Variants in DENND4C observed in about 807,000 individuals in gnomAD.
The protein encoded by DENND4C is DENN domain containing 4C.
DENND4C carries 108 observed loss-of-function variants against 203.0 expected under a neutral mutation model. That is an observed-to-expected ratio of 0.53 (90% CI 0.46 to 0.62). The LOEUF is 0.62. Ranked by LOEUF, DENND4C falls within the 20% of genes least tolerant of loss-of-function variation. DENND4C has a pLI of 0.00. For missense variants in DENND4C, 2,481 were observed against 2,301.2 expected (o/e 1.08, Z -1.60); for synonymous variants, 871 against 792.4 (o/e 1.10, Z -1.67).
chr9:19,325,901 G>A, intron 13 of DENND4C, 38 bp from the exon 14 acceptor site: 15 of 1,566,722 alleles, frequency 9.6e-6, no homozygotes, highest in Non-Finnish European at 1.0e-5. Context: ...AATTCATAGT[G>A]GACATTTTCA....
rs574087811 is a variant in DENND4C at position 19,230,984 on chromosome 9, A to T, written c.-18+151A>T. Among the ~76,000 whole-genome samples, 8 of 152,216 alleles carry T rather than the reference A, an allele frequency of 5.3e-5. No individual in the cohort carries two copies. The East Asian group carries it at 1.6e-3, about 30-fold the overall frequency. On this transcript the variant is annotated intron_variant, in intron 1 of 32. Transcript: ENST00000434457. ...CCGCGGGGGGTCGCCGAGGAGGCGG[A>T]GAGTGGCCGCGGCTGGCGTTCGTGG...
intron 1 of DENND4C, among the ~76,000 whole-genome samples, chr9:19,271,456 C>T (rs1831651430): frequency 6.6e-6 from 1 of 152,130 alleles, no homozygotes; most frequent in Non-Finnish European, 1.5e-5. Context: ...CTACCTCTGG[C>T]CTTCCAGATT....
intron 1 of DENND4C, among the ~76,000 whole-genome samples, chr9:19,245,360 G>A (rs922513675): frequency 4.6e-5 from 7 of 151,552 alleles, no homozygotes; most frequent in Non-Finnish European, 1.0e-4. Flanking sequence ...CCAGCTACTC[G>A]GGAGGCTGAG....
At chr9:19,307,747 G>A (rs935308526) in intron 10 of DENND4C, among the ~76,000 whole-genome samples, 2 of 147,646 alleles carry the variant, frequency 1.4e-5, no homozygotes, top group Non-Finnish European at 3.0e-5. Flanking sequence ...TCCAGCCTGG[G>A]CGACAGAGCG....
chr9:19,234,387 C>T (rs893052028), intron 1 of DENND4C, among the ~76,000 whole-genome samples: 2 of 151,958 alleles, frequency 1.3e-5, no homozygotes, highest in East Asian at 1.9e-4. Context: ...CGTGCCACCA[C>T]GCCTGGCTAA....
At chr9:19,297,927 T>A (rs1588869240) in intron 6 of DENND4C, 129 bp from the exon 7 acceptor site, 1 of 670,656 alleles carries the variant, frequency 1.5e-6, no homozygotes, top group Non-Finnish European at 2.4e-6. Flanking sequence ...ATTTACTTAC[T>A]TAGCCTACAT....
chr9:19,371,659 C>G, intron 31 of DENND4C, 97 bp from the exon 32 acceptor site: 1 of 648,638 alleles, frequency 1.5e-6, no homozygotes, highest in Middle Eastern at 2.5e-4. Context: ...TTACTATTAA[C>G]TAGATGACAG....
At chr9:19,268,179 A>AG (rs1306279882) in intron 1 of DENND4C, among the ~76,000 whole-genome samples, 3 of 151,352 alleles carry the variant, frequency 2.0e-5, no homozygotes, top group African/African-American at 7.3e-5. Context: ...AGCTCACTGT[A>AG]GCCTCGACCT....
At chr9:19,323,326 A>C (rs1435159794) in intron 12 of DENND4C, among the ~76,000 whole-genome samples, 3 of 151,862 alleles carry the variant, frequency 2.0e-5, no homozygotes, top group African/African-American at 7.3e-5. Flanking sequence ...GCTACTCAGG[A>C]GGCTGAGGCA....
chr9:19,336,794 T>C lies in DENND4C; in HGVS notation c.2843T>C (p.Leu948Ser), dbSNP rs1242226092. Residue 948 changes from leucine (L) to serine (S), a missense_variant, in exon 20 of 33, where the codon TTA becomes TCA. By Grantham distance (145) the Leu-to-Ser change is moderately radical. Around this residue, in one of 3 missense-constraint regions of DENND4C, gnomAD observed 2,289 missense variants for 2,113.3 expected, o/e 1.08. Transcript: ENST00000434457. ...GAGCACACAGTCTTCGTCAGAGATTTAATCAGGCTTGAGTCCATTGATAAT... is the reference window on the plus strand; with the variant it reads ...GAGCACACAGTCTTCGTCAGAGATTCAATCAGGCTTGAGTCCATTGATAAT... ...NGEHTVFVRD[L>S]IRLESIDNHS... 3 of 1,550,796 alleles carry C rather than the reference T, an allele frequency of 1.9e-6. No homozygotes were observed. The Admixed American group carries it at 5.9e-5, about 30-fold the overall frequency.
rs377604977 is a variant in DENND4C at position 19,369,027 on chromosome 9, G to T, written c.5525-810G>T. ...TAGCCAACTGTGATGGTGCATGCCT[G>T]TAGTCCTAGCTATTTGGGAGGCTGA... is the stretch of plus-strand genomic sequence containing the variant. On this transcript the variant is annotated intron_variant, in intron 30 of 32. Coordinates refer to ENST00000434457, the MANE Select transcript of DENND4C (RefSeq NM_001330640.2). 1.9e-4 allele frequency among the ~76,000 whole-genome samples: 29 copies of T among 150,910 alleles called. 2 individuals carry two copies. Among genetic ancestry groups the T allele is most frequent in the Admixed American group, 7.9e-4 (12 of 15,196 alleles).
chr9:19,247,400 C>A (rs1234456182), intron 1 of DENND4C, among the ~76,000 whole-genome samples: 1 of 152,152 alleles, frequency 6.6e-6, no homozygotes, highest in African/African-American at 2.4e-5. Flanking sequence ...TAATGGACTG[C>A]TTTTTCGTTT....
rs562059829 is a variant in DENND4C at position 19,346,178 on chromosome 9, A to G, written c.3409A>G (p.Lys1137Glu). ...KILTAALTCP[K>E]TSLLHIARTH... ...TCTCACAGCAGCATTGACATGTCCT[A>G]AGACTTCTCTACTTCATATTGCAAG... The change falls in exon 23 of 33, where the codon AAG (lysine) becomes GAG (glutamate). Residue 1137 changes from lysine (K) to glutamate (E), a missense_variant. Physicochemically the swap from Lys to Glu is moderately conservative, Grantham distance 56 (BLOSUM62 1). Transcript: ENST00000434457. 47 of 1,614,092 alleles carry G rather than the reference A, an allele frequency of 2.9e-5. No individual in the cohort carries two copies. The Admixed American group carries it at 6.3e-4, about 22-fold the overall frequency.
At chr9:19,300,025 C>T (rs1423913911) in intron 8 of DENND4C, among the ~76,000 whole-genome samples, 162 bp from the exon 9 acceptor site, 7 of 152,118 alleles carry the variant, frequency 4.6e-5, no homozygotes, top group Middle Eastern at 3.2e-3. Context: ...TTTAAATCAC[C>T]CCGTTATCTA....
chr9:19,299,404 A>T, intron 8 of DENND4C, 117 bp downstream of exon 8: 1 of 714,348 alleles, frequency 1.4e-6, no homozygotes, highest in African/African-American at 1.9e-5. Flanking sequence ...AATTAACTTT[A>T]TTAGTTAAAA....
chr9:19,294,036 A>G (rs1836910333), intron 5 of DENND4C, among the ~76,000 whole-genome samples: 1 of 152,168 alleles, frequency 6.6e-6, no homozygotes, highest in Non-Finnish European at 1.5e-5. Flanking sequence ...TGATGAGCTC[A>G]CTTTTGAAAA....
At chr9:19,352,752 C>T (rs938551078) in intron 26 of DENND4C, 87 bp downstream of exon 26, 22 of 1,055,532 alleles carry the variant, frequency 2.1e-5, no homozygotes, top group Non-Finnish European at 2.6e-5. Flanking sequence ...CTGGTATGCT[C>T]CAGGTCTGCC....
At position 19,366,505 on chromosome 9, in the gene DENND4C, G is replaced by A. The variant is rs1431344647; in HGVS notation, c.5525-3332G>A. On this transcript the variant is annotated intron_variant, in intron 30 of 32. Coordinates refer to ENST00000434457, the MANE Select transcript of DENND4C (RefSeq NM_001330640.2). Reference sequence around the variant, plus strand: ...TGTAGTCCCAGCTAGTCGGGAGGCTGAGGCAGGAGAATGGCGTGAACCCAG... The same window carrying A: ...TGTAGTCCCAGCTAGTCGGGAGGCTAAGGCAGGAGAATGGCGTGAACCCAG... 7.9e-5 allele frequency among the ~76,000 whole-genome samples: 12 copies of A among 152,322 alleles called. No homozygotes were observed. In the South Asian group the frequency reaches 2.5e-3, roughly 32 times the overall value.
intron 20 of DENND4C, among the ~76,000 whole-genome samples, chr9:19,340,626 T>C (rs770809802): frequency 6.6e-6 from 1 of 152,222 alleles, no homozygotes; most frequent in African/African-American, 2.4e-5. Context: ...TGGTTTATTT[T>C]GCCTGCATTA....
Sources: allele counts gnomAD v4.1 joint callset (sites outside exome capture counted in the v4.1 genomes callset), GRCh38; gene constraint gnomAD v4.1.1; regional missense constraint gnomAD v4.1.1; transcripts MANE v1.5; gene names NCBI Gene and HGNC (gene_info 2026-07-23, HGNC 2026-07-21).